Variants in RFX4 observed in about 807,000 individuals in gnomAD.
RFX4 encodes regulatory factor X4, also known as transcription factor RFX4.
Under a neutral mutation model 95.0 loss-of-function variants are expected in RFX4, and 10 were observed. The ratio of observed to expected loss-of-function variants is 0.11; its 90% confidence interval spans 0.06 to 0.18. RFX4 has a LOEUF of 0.18. RFX4 is among the 10% of genes least tolerant of loss of function. The pLI is 1.00. For missense variants in RFX4, 640 were observed against 922.0 expected, an observed-to-expected ratio of 0.69 and a Z score of 3.96; for synonymous variants, 321 against 340.7, an observed-to-expected ratio of 0.94 and a Z score of 0.64.
chr12:106,591,261 C>CTTTTTT (rs1565942195), intron 1 of RFX4, among the ~76,000 whole-genome samples: 31 of 66,460 alleles, frequency 4.7e-4, no homozygotes, highest in Non-Finnish European at 6.1e-4. Context: ...TAAAATAGTC[C>CTTTTTT]CTTTTTTTTT....
intron 8 of RFX4, among the ~76,000 whole-genome samples, chr12:106,703,956 C>T (rs1371412324): frequency 6.7e-6 from 1 of 148,938 alleles, no homozygotes; most frequent in African/African-American, 2.5e-5. Flanking sequence ...ATCCCAGCTA[C>T]TTGGGTGGCT....
intron 4 of RFX4, among the ~76,000 whole-genome samples, chr12:106,654,821 G>A (rs894317368): frequency 2.6e-5 from 4 of 152,126 alleles, no homozygotes; most frequent in African/African-American, 9.7e-5. Flanking sequence ...TAAAAAAAAT[G>A]CAATCCACAT....
chr12:106,707,383 A>C (rs1292596654), intron 8 of RFX4, among the ~76,000 whole-genome samples: 2 of 152,056 alleles, frequency 1.3e-5, no homozygotes, highest in Non-Finnish European at 2.9e-5. Context: ...GCCTGGATAA[A>C]CTACCCGGGG....
At chr12:106,641,903 A>G (rs765105717) in intron 3 of RFX4, among the ~76,000 whole-genome samples, 2 of 152,136 alleles carry the variant, frequency 1.3e-5, no homozygotes, top group African/African-American at 2.4e-5. Context: ...CAAGAAGAGG[A>G]GCTGATGACA....
chr12:106,708,955 A>G (rs1298817382), intron 8 of RFX4, among the ~76,000 whole-genome samples: 4 of 152,224 alleles, frequency 2.6e-5, no homozygotes, highest in Non-Finnish European at 5.9e-5. Flanking sequence ...TGTTGCAAAC[A>G]GGGTTCCTGC....
At chr12:106,697,976 A>AT (rs1227208544) in intron 8 of RFX4, among the ~76,000 whole-genome samples, 1 of 151,224 alleles carries the variant, frequency 6.6e-6, no homozygotes, top group African/African-American at 2.4e-5. Context: ...AATTATTATT[A>AT]TTATTTTTTT....
intron 3 of RFX4, 117 bp downstream of exon 3, chr12:106,639,509 C>T: frequency 3.3e-6 from 3 of 918,110 alleles, no homozygotes; most frequent in Non-Finnish European, 3.3e-6. Flanking sequence ...CATTCCACAA[C>T]ATGAAATCTA....
At chr12:106,751,070 A>C (rs979180445) in intron 17 of RFX4, among the ~76,000 whole-genome samples, 2 of 147,784 alleles carry the variant, frequency 1.4e-5, no homozygotes, top group South Asian at 4.5e-4. Flanking sequence ...ATATCTCCCA[A>C]TGCTATCCCT....
chr12:106,585,192 G>C (rs1429629381), intron 1 of RFX4, among the ~76,000 whole-genome samples: 1 of 152,182 alleles, frequency 6.6e-6, no homozygotes, highest in African/African-American at 2.4e-5. Context: ...GGCCCTGCTG[G>C]GGGGCTTTTA....
chr12:106,637,567 C>A (rs1256809032), intron 2 of RFX4, among the ~76,000 whole-genome samples: 1 of 151,950 alleles, frequency 6.6e-6, no homozygotes, highest in South Asian at 2.1e-4. Flanking sequence ...TAGGCTTTGA[C>A]ATTATTAGTT....
At chr12:106,711,998 C>T (rs994163920) in intron 10 of RFX4, among the ~76,000 whole-genome samples, 5 of 152,206 alleles carry the variant, frequency 3.3e-5, no homozygotes, top group African/African-American at 1.2e-4. Flanking sequence ...GAAGATCCCA[C>T]TCCATGCCCC....
At chr12:106,711,563 G>A (rs750450328) in intron 10 of RFX4, 52 bp downstream of exon 10, 1 of 1,526,724 alleles carries the variant, frequency 6.5e-7, no homozygotes, top group South Asian at 1.1e-5. Context: ...TTGCAAATGA[G>A]GGGGCAAATC....
At chr12:106,656,749 G>A (rs906392538) in intron 4 of RFX4, among the ~76,000 whole-genome samples, 2 of 151,722 alleles carry the variant, frequency 1.3e-5, no homozygotes, top group Admixed American at 6.6e-5. Context: ...TCTCTTCTGC[G>A]ATCTTTGGTT....
chr12:106,693,480 G>C lies in RFX4; in HGVS notation c.670-2803G>C, dbSNP rs1291163621. Among the ~76,000 whole-genome samples, 4 of 152,198 alleles carry C rather than the reference G, an allele frequency of 2.6e-5. 1 individual carries two copies. Among genetic ancestry groups the C allele is most frequent in the African/African-American group, 7.2e-5 (3 of 41,442 alleles). Reference sequence around the variant, plus strand: ...GGGGGTACGGCTGCCTGCAAGAAGAGCTAAGTAAGGCAAATGAATTCAAAA... The same window carrying C: ...GGGGGTACGGCTGCCTGCAAGAAGACCTAAGTAAGGCAAATGAATTCAAAA... On this transcript the variant is annotated intron_variant, in intron 7 of 17. Coordinates refer to ENST00000392842, the MANE Select transcript of RFX4 (RefSeq NM_213594.3).
At chr12:106,656,262 T>G (rs2040955630) in intron 4 of RFX4, among the ~76,000 whole-genome samples, 1 of 152,184 alleles carries the variant, frequency 6.6e-6, no homozygotes, top group Admixed American at 6.5e-5. Flanking sequence ...AAATAATAAC[T>G]TCAGTACACT....
intron 2 of RFX4, among the ~76,000 whole-genome samples, chr12:106,610,047 A>G (rs898142881): frequency 6.6e-6 from 1 of 152,164 alleles, no homozygotes; most frequent in Non-Finnish European, 1.5e-5. Flanking sequence ...CTGTATGAGT[A>G]TATCACAGTT....
intron 8 of RFX4, among the ~76,000 whole-genome samples, chr12:106,702,752 G>A (rs1041269123): frequency 3.9e-5 from 6 of 152,126 alleles, no homozygotes; most frequent in African/African-American, 1.2e-4. Context: ...CACCTACAAC[G>A]GGTCTTCCCT....
chr12:106,644,118 C>T (rs907542456), intron 3 of RFX4, among the ~76,000 whole-genome samples: 1 of 152,112 alleles, frequency 6.6e-6, no homozygotes, highest in African/African-American at 2.4e-5. Flanking sequence ...TTGCTTTCTT[C>T]CTTAGTAGAA....
intron 15 of RFX4, among the ~76,000 whole-genome samples, chr12:106,738,105 C>T (rs901070852): frequency 1.3e-5 from 2 of 152,172 alleles, no homozygotes; most frequent in African/African-American, 4.8e-5. Flanking sequence ...TATTGGGCAA[C>T]CATCCTGAGT....
Sources: gnomAD v4.1 joint callset for allele counts (sites outside exome capture counted in the v4.1 genomes callset) on GRCh38, gnomAD v4.1.1 for gene constraint, MANE v1.5 for transcripts, NCBI Gene and HGNC (gene_info 2026-07-23, HGNC 2026-07-21) for gene names.